TMEFF1: variants seen among roughly 807,000 people sequenced by gnomAD.
TMEFF1 encodes transmembrane protein with EGF like and two follistatin like domains 1, also known as tomoregulin-1.
In TMEFF1, 20 loss-of-function variants were observed where a neutral mutation model predicts 47.5. The observed-to-expected ratio is 0.42, with a 90% CI of 0.30 to 0.61. TMEFF1 has a LOEUF of 0.61. Ranked by LOEUF, TMEFF1 falls within the 20% of genes least tolerant of loss-of-function variation. TMEFF1 has a pLI of 0.19. For missense variants in TMEFF1, 411 were observed against 471.1 expected, an observed-to-expected ratio of 0.87 and a Z score of 1.18; for synonymous variants, 162 against 166.3, an observed-to-expected ratio of 0.97 and a Z score of 0.20.
chr9:100,529,319 T>A (rs1288144021), intron 5 of TMEFF1, among the ~76,000 whole-genome samples: 1 of 151,526 alleles, frequency 6.6e-6, no homozygotes, highest in Non-Finnish European at 1.5e-5. Context: ...GAGTCAAGAC[T>A]CATCAGTGTG....
At chr9:100,507,373 C>T (rs1837883077) in intron 2 of TMEFF1, among the ~76,000 whole-genome samples, 1 of 152,130 alleles carries the variant, frequency 6.6e-6, no homozygotes, top group Non-Finnish European at 1.5e-5. Context: ...TGGGTACCTA[C>T]CCAGTAATGA....
chr9:100,487,448 T>G (rs1046321544), intron 1 of TMEFF1, among the ~76,000 whole-genome samples: 2 of 152,166 alleles, frequency 1.3e-5, no homozygotes, highest in Non-Finnish European at 2.9e-5. Flanking sequence ...GATTACAGGC[T>G]TAAGCCACTG....
intron 3 of TMEFF1, among the ~76,000 whole-genome samples, chr9:100,512,062 T>A (rs930253147): frequency 4.6e-5 from 7 of 152,240 alleles, no homozygotes; most frequent in African/African-American, 1.7e-4. Context: ...TCCTCGCATT[T>A]ACCATGGTGC....
chr9:100,511,752 T>C (rs1369343516), intron 3 of TMEFF1, among the ~76,000 whole-genome samples: 1 of 152,174 alleles, frequency 6.6e-6, no homozygotes, highest in Admixed American at 6.5e-5. Flanking sequence ...CTGACATAAG[T>C]ACCTCCAGCC....
chr9:100,520,323 G>A (rs899820279), intron 5 of TMEFF1, among the ~76,000 whole-genome samples: 1 of 152,040 alleles, frequency 6.6e-6, no homozygotes, highest in African/African-American at 2.4e-5. Flanking sequence ...AAAAACAAAT[G>A]AACAAACAAC....
Position 100,550,124 on chromosome 9 carries a change from A to G in TMEFF1, c.739A>G (p.Lys247Glu), listed in dbSNP as rs754943812. 1.9e-6 allele frequency: 3 copies of G among 1,612,098 alleles called. No homozygotes were observed. Among genetic ancestry groups the G allele is most frequent in the Non-Finnish European group, 2.5e-6 (3 of 1,179,284 alleles). Reference protein sequence around the residue: ...DTDDTSLLGKKDDGLQYRPDV... With the variant: ...DTDDTSLLGKEDDGLQYRPDV... Reference sequence around the variant, plus strand: ...AGATGACACTAGTTTGTTGGGAAAGAAAGATGATGGACTACAATATCGACC... The same window carrying G: ...AGATGACACTAGTTTGTTGGGAAAGGAAGATGATGGACTACAATATCGACC... The change falls in exon 7 of 10, where the codon AAA (lysine) becomes GAA (glutamate). Residue 247 changes from lysine to glutamate, a missense_variant. Transcript: ENST00000374879.
At chr9:100,490,599 G>A (rs1837529437) in intron 1 of TMEFF1, among the ~76,000 whole-genome samples, 1 of 151,976 alleles carries the variant, frequency 6.6e-6, no homozygotes, top group South Asian at 2.1e-4. Flanking sequence ...ATTCTAAAAG[G>A]AGAACTACCA....
rs528973074 is a variant in TMEFF1, at chr9:100,553,817, G to A, written c.775+3657G>A. ...ATTCTTTGTCTGTATACTTCCACCC[G>A]TGTGATTATCATTATTCTCATTTTA... On this transcript the variant is annotated intron_variant, in intron 7 of 9. Transcript: ENST00000374879. 1.5e-3 allele frequency among the ~76,000 whole-genome samples: 234 copies of A among 152,230 alleles called. 1 individual carries two copies. The highest frequency in any genetic ancestry group is 0.014 in the Middle Eastern group (4 of 294).
chr9:100,527,695 C>T (rs367692021), intron 5 of TMEFF1, among the ~76,000 whole-genome samples: 7 of 152,106 alleles, frequency 4.6e-5, no homozygotes, highest in African/African-American at 1.4e-4. Context: ...GGCTTGCTTA[C>T]GTAAACAAAG....
At chr9:100,492,350 T>A (rs1837570931) in intron 1 of TMEFF1, among the ~76,000 whole-genome samples, 1 of 152,244 alleles carries the variant, frequency 6.6e-6, no homozygotes, top group South Asian at 2.1e-4. Context: ...TTAGTTTTCA[T>A]AGAAGTAATT....
chr9:100,516,816 C>A (rs2118389352), intron 5 of TMEFF1, 45 bp downstream of exon 5: 6 of 1,596,062 alleles, frequency 3.8e-6, no homozygotes, highest in East Asian at 2.2e-5. Flanking sequence ...AGAGATTAAT[C>A]ATCAGTATGA....
intron 7 of TMEFF1, among the ~76,000 whole-genome samples, chr9:100,556,316 C>G (rs998704783): frequency 1.3e-5 from 2 of 152,168 alleles, no homozygotes; most frequent in African/African-American, 4.8e-5. Flanking sequence ...TCGGAACCCC[C>G]ATCATTAGGC....
intron 5 of TMEFF1, among the ~76,000 whole-genome samples, chr9:100,524,762 T>C (rs997928190): frequency 6.6e-6 from 1 of 152,218 alleles, no homozygotes; most frequent in Non-Finnish European, 1.5e-5. Context: ...TTTTTTATTA[T>C]ACTTTAAGTT....
rs1481295929 is a variant in TMEFF1, at chr9:100,498,656, G to C, written c.197-109G>C. The C allele has an allele frequency of 3.5e-5, 31 of 895,722 alleles. 1 individual carries two copies. Among genetic ancestry groups the C allele is most frequent in the Non-Finnish European group, 3.9e-5 (23 of 590,058 alleles). 55.5% of individuals were successfully genotyped at this position (895,722 alleles called of 1,614,324 possible). ...GTCTTATTACACTTCTGAATGGGGGGGCTCAATACATTTTAAGGACTTTTT... is the reference window on the plus strand; with the variant it reads ...GTCTTATTACACTTCTGAATGGGGGCGCTCAATACATTTTAAGGACTTTTT... On this transcript the variant is annotated intron_variant, in intron 1 of 9. Coordinates refer to ENST00000374879, the MANE Select transcript of TMEFF1 (RefSeq NM_003692.5).
intron 7 of TMEFF1, among the ~76,000 whole-genome samples, chr9:100,555,122 C>T (rs1040799719): frequency 2.6e-5 from 4 of 151,584 alleles, no homozygotes; most frequent in African/African-American, 9.7e-5. Flanking sequence ...GTGAAAGGAG[C>T]CATTTGGTGA....
intron 5 of TMEFF1, among the ~76,000 whole-genome samples, chr9:100,529,873 C>T (rs1407068776): frequency 1.3e-5 from 2 of 152,096 alleles, no homozygotes; most frequent in African/African-American, 4.8e-5. Flanking sequence ...TGTAAAAGAA[C>T]AGAAATTATA....
At chr9:100,504,290 C>CCA (rs1837817654) in intron 2 of TMEFF1, among the ~76,000 whole-genome samples, 1 of 152,100 alleles carries the variant, frequency 6.6e-6, no homozygotes, top group East Asian at 1.9e-4. Context: ...CAGGAGAGAC[C>CCA]CATGGAAACT....
chr9:100,561,527 C>T lies in TMEFF1; in HGVS notation c.899+7C>T, dbSNP rs775386588. The T allele has an allele frequency of 6.2e-7, 1 of 1,609,892 alleles. No homozygotes were observed. ...CTCAGAAGGCTTCTTGTAGGTAAGT[C>T]AGCGCTTCCAGATCAGTGGTGAGCA... On this transcript the variant is annotated splice_region_variant and intron_variant, in intron 8 of 9. Coordinates refer to ENST00000374879, the MANE Select transcript of TMEFF1 (RefSeq NM_003692.5).
At chr9:100,485,885 A>G (rs1432028620) in intron 1 of TMEFF1, among the ~76,000 whole-genome samples, 1 of 152,132 alleles carries the variant, frequency 6.6e-6, no homozygotes, top group African/African-American at 2.4e-5. Context: ...AAATTCATCT[A>G]TTTTTTAAAA....
Sources: allele counts gnomAD v4.1 joint callset (sites outside exome capture counted in the v4.1 genomes callset), GRCh38; gene constraint gnomAD v4.1.1; transcripts MANE v1.5; gene names NCBI Gene and HGNC (gene_info 2026-07-23, HGNC 2026-07-21).